Variants in ADK observed in about 807,000 individuals in gnomAD.
ADK encodes the protein adenosine kinase.
In ADK, 24 loss-of-function variants were observed where a neutral mutation model predicts 44.7. The observed-to-expected ratio is 0.54, with a 90% CI of 0.39 to 0.76. The LOEUF is 0.76. Ranked by LOEUF, ADK falls within the 30% of genes least tolerant of loss-of-function variation. The pLI, the probability that ADK is intolerant of heterozygous loss-of-function variation, is 0.00. For missense variants in ADK, 321 were observed against 425.1 expected (o/e 0.76, Z 2.15); for synonymous variants, 128 against 142.6 (o/e 0.90, Z 0.73).
intron 9 of ADK, among the ~76,000 whole-genome samples, chr10:74,607,034 C>T (rs920012798): frequency 9.2e-5 from 14 of 152,130 alleles, no homozygotes; most frequent in East Asian, 1.9e-4. Flanking sequence ...TCTGTTTTAT[C>T]GGAGACTAGG....
At chr10:74,429,016 T>C (rs1437566662) in intron 6 of ADK, among the ~76,000 whole-genome samples, 1 of 152,166 alleles carries the variant, frequency 6.6e-6, no homozygotes, top group Non-Finnish European at 1.5e-5. Context: ...ACATAGATGA[T>C]AAAGAAAATG....
chr10:74,372,615 A>G (rs1419220933), intron 4 of ADK, among the ~76,000 whole-genome samples: 2 of 152,150 alleles, frequency 1.3e-5, no homozygotes, highest in African/African-American at 4.8e-5. Flanking sequence ...AAATATCTTA[A>G]AAAGAAATAA....
At chr10:74,192,562 C>A (rs1301219761) in intron 1 of ADK, among the ~76,000 whole-genome samples, 2 of 148,486 alleles carry the variant, frequency 1.3e-5, no homozygotes, top group African/African-American at 5.0e-5. Flanking sequence ...TGGTTTTGCT[C>A]TCTCTGTCAC....
intron 6 of ADK, among the ~76,000 whole-genome samples, chr10:74,481,142 T>G (rs1185425720): frequency 6.6e-6 from 1 of 152,200 alleles, no homozygotes; most frequent in Non-Finnish European, 1.5e-5. Flanking sequence ...CTTCCCTGAT[T>G]ACTTTGTCCT....
intron 7 of ADK, chr10:74,528,027 C>G (rs549770454): frequency 1.2e-6 from 1 of 868,116 alleles, no homozygotes; most frequent in African/African-American, 1.7e-5. Flanking sequence ...AATTTGTATT[C>G]GGCAATAAAA....
At chr10:74,290,260 G>C (rs1847360058) in intron 3 of ADK, among the ~76,000 whole-genome samples, 1 of 151,964 alleles carries the variant, frequency 6.6e-6, no homozygotes, top group African/African-American at 2.4e-5. Flanking sequence ...TTTTCACTCT[G>C]ACTTACTGTG....
intron 7 of ADK, among the ~76,000 whole-genome samples, chr10:74,567,715 T>C (rs1589255069): frequency 3.8e-5 from 5 of 133,028 alleles, no homozygotes; most frequent in Admixed American, 7.6e-5. Flanking sequence ...TTTTTTTTTT[T>C]TGAGATGGAG....
At chr10:74,366,954 A>G (rs1482798446) in intron 4 of ADK, among the ~76,000 whole-genome samples, 1 of 152,186 alleles carries the variant, frequency 6.6e-6, no homozygotes, top group East Asian at 1.9e-4. Context: ...AAACGCCCAA[A>G]TATCAATGTG....
intron 7 of ADK, among the ~76,000 whole-genome samples, chr10:74,529,783 G>A (rs1374921562): frequency 1.3e-5 from 2 of 151,996 alleles, no homozygotes; most frequent in Admixed American, 1.3e-4. Flanking sequence ...AATAAGCAGT[G>A]GATACATAGT....
chr10:74,346,197 T>G (rs998692790), intron 4 of ADK, among the ~76,000 whole-genome samples: 15 of 152,116 alleles, frequency 9.9e-5, no homozygotes, highest in Admixed American at 6.5e-5. Context: ...TGGCCAAAAT[T>G]TCTGTTTTTT....
chr10:74,179,494 AG>A (rs1842460130), intron 1 of ADK, among the ~76,000 whole-genome samples: 1 of 152,182 alleles, frequency 6.6e-6, no homozygotes, highest in African/African-American at 2.4e-5. Context: ...ACCAAAACCA[AG>A]ATGGTGATGA....
intron 6 of ADK, among the ~76,000 whole-genome samples, chr10:74,495,771 G>A (rs1847663756): frequency 6.6e-6 from 1 of 152,114 alleles, no homozygotes; most frequent in Non-Finnish European, 1.5e-5. Flanking sequence ...GGCTATATGA[G>A]GTGGGAATGG....
chr10:74,645,242 A>T (rs1854013421), intron 9 of ADK, among the ~76,000 whole-genome samples: 1 of 152,036 alleles, frequency 6.6e-6, no homozygotes, highest in Admixed American at 6.6e-5. Context: ...TCTCCCTTAT[A>T]TTTATGGTAT....
chr10:74,296,146 A>C (rs1839805796), intron 3 of ADK, among the ~76,000 whole-genome samples: 1 of 151,888 alleles, frequency 6.6e-6, no homozygotes, highest in Non-Finnish European at 1.5e-5. Context: ...TTTTTAAAAA[A>C]AGATTCTTGA....
chr10:74,448,163 ACT>A (rs1845648320), intron 6 of ADK, among the ~76,000 whole-genome samples: 1 of 117,720 alleles, frequency 8.5e-6, no homozygotes, highest in Non-Finnish European at 1.8e-5. Context: ...ACAGAGTGAG[ACT>A]CTGTCTCAAA....
chr10:74,293,238 A>C (rs1839690285), intron 3 of ADK, among the ~76,000 whole-genome samples: 1 of 152,018 alleles, frequency 6.6e-6, no homozygotes, highest in South Asian at 2.1e-4. Flanking sequence ...AGAAACAAGA[A>C]CATTTAAGTG....
intron 6 of ADK, among the ~76,000 whole-genome samples, chr10:74,444,074 G>A (rs2133151783): frequency 6.6e-6 from 1 of 152,126 alleles, no homozygotes; most frequent in Non-Finnish European, 1.5e-5. Flanking sequence ...TCCATTTCAG[G>A]TATATGCAAC....
At chr10:74,374,861 C>G (rs911753531) in intron 4 of ADK, among the ~76,000 whole-genome samples, 2 of 152,082 alleles carry the variant, frequency 1.3e-5, no homozygotes, top group Non-Finnish European at 2.9e-5. Context: ...TACTCTTTGA[C>G]CTTTTCATTA....
At chr10:74,238,461 TAAGAGGTTTTCTAAA>T (rs1449635828) in intron 3 of ADK, among the ~76,000 whole-genome samples, 1 of 152,144 alleles carries the variant, frequency 6.6e-6, no homozygotes, top group Non-Finnish European at 1.5e-5. Context: ...ACGGCCTCAG[TAAGAGGTTTTCTAAA>T]ACTATTTTCT....
Sources: gnomAD v4.1 joint callset for allele counts (sites outside exome capture counted in the v4.1 genomes callset) on GRCh38, gnomAD v4.1.1 for gene constraint, MANE v1.5 for transcripts, NCBI Gene and HGNC (gene_info 2026-07-23, HGNC 2026-07-21) for gene names.